The following ZBTB20 variants were observed in gnomAD, a reference collection of about 807,000 sequenced individuals.
ZBTB20 encodes zinc finger and BTB domain containing 20, also known as zinc finger and BTB domain-containing protein 20.
In ZBTB20, 9 loss-of-function variants were observed where a neutral mutation model predicts 56.9. That is an observed-to-expected ratio of 0.16 (90% confidence interval 0.10 to 0.28). The LOEUF (loss-of-function observed/expected upper bound fraction) is 0.28, where lower values mean the gene tolerates loss of function less well. Among genes scored for constraint, ZBTB20 ranks in the 10% least tolerant of loss-of-function variants. ZBTB20 has a pLI of 1.00. For synonymous variants in ZBTB20, 417 were observed against 420.7 expected, an observed-to-expected ratio of 0.99 and a Z score of 0.11; for missense variants, 655 against 1,003.0, an observed-to-expected ratio of 0.65 and a Z score of 4.69.
intron 8 of ZBTB20, among the ~76,000 whole-genome samples, 160 bp from the exon 9 acceptor site, chr3:114,381,100 G>C (rs574551601): frequency 6.6e-6 from 1 of 152,094 alleles, no homozygotes; most frequent in African/African-American, 2.4e-5. Context: ...CAGCCTGTAC[G>C]GATGAGGGGG....
intron 7 of ZBTB20, among the ~76,000 whole-genome samples, chr3:114,438,208 C>G (rs1354549958): frequency 1.3e-5 from 2 of 151,938 alleles, no homozygotes; most frequent in Non-Finnish European, 2.9e-5. Flanking sequence ...AGCCCAGGGC[C>G]AGAGCTGAGA....
intron 6 of ZBTB20, among the ~76,000 whole-genome samples, chr3:114,544,406 C>CTTCTTTCTTTCTTTTCT (rs2049480488): frequency 1.6e-5 from 2 of 121,408 alleles, no homozygotes; most frequent in African/African-American, 6.1e-5. Context: ...AACTAGATTT[C>CTTCTTTCTTTCTTTTCT]TTCTTTCTTT....
chr3:115,127,516 C>T (rs553684912), intron 1 of ZBTB20, among the ~76,000 whole-genome samples: 1 of 152,218 alleles, frequency 6.6e-6, no homozygotes, highest in South Asian at 2.1e-4. Flanking sequence ...ATCACTTGAA[C>T]CTGGAAGGTG....
chr3:114,807,782 G>T (rs1211619098), intron 4 of ZBTB20, among the ~76,000 whole-genome samples: 7 of 151,952 alleles, frequency 4.6e-5, no homozygotes, highest in Non-Finnish European at 1.0e-4. Flanking sequence ...CTATTAATAT[G>T]CTATATTGCA....
intron 10 of ZBTB20, among the ~76,000 whole-genome samples, chr3:114,372,451 C>T (rs185076811): frequency 2.0e-4 from 31 of 152,266 alleles, no homozygotes; most frequent in African/African-American, 6.7e-4. Context: ...CTGTTAGAGT[C>T]GGGAAGGGCC....
At chr3:114,616,821 A>G (rs1023866015) in intron 6 of ZBTB20, among the ~76,000 whole-genome samples, 2 of 152,134 alleles carry the variant, frequency 1.3e-5, no homozygotes, top group South Asian at 2.1e-4. Context: ...ATCCTCCAAA[A>G]TCTACTCTTC....
intron 4 of ZBTB20, among the ~76,000 whole-genome samples, chr3:114,835,240 T>G (rs1410684181): frequency 1.3e-5 from 2 of 152,168 alleles, no homozygotes; most frequent in African/African-American, 4.8e-5. Flanking sequence ...TCCCTCAAAA[T>G]AAGGCTTATA....
chr3:115,142,659 CAAAA>C (rs535455119), intron 1 of ZBTB20, among the ~76,000 whole-genome samples: 1 of 107,826 alleles, frequency 9.3e-6, no homozygotes, highest in Non-Finnish European at 2.0e-5. Context: ...AAGACTCCAT[CAAAA>C]AAAAAAAAAA....
intron 5 of ZBTB20, among the ~76,000 whole-genome samples, chr3:114,750,352 C>T (rs2951800): frequency 0.89 from 135,041 of 152,126 alleles, 60,246 homozygotes; most frequent in East Asian, 0.98. Context: ...AAGAGCAACA[C>T]TGAGCCTCAT....
chr3:114,408,463 G>A (rs1347344621), intron 7 of ZBTB20, among the ~76,000 whole-genome samples: 1 of 151,986 alleles, frequency 6.6e-6, no homozygotes, highest in Non-Finnish European at 1.5e-5. Flanking sequence ...CCATAATCAC[G>A]AGAGAAAACC....
chr3:114,533,947 T>C (rs1577348504), intron 6 of ZBTB20, among the ~76,000 whole-genome samples: 1 of 152,174 alleles, frequency 6.6e-6, no homozygotes, highest in African/African-American at 2.4e-5. Context: ...CTGAGAGATT[T>C]TGTCACCACT....
chr3:114,622,550 GC>G (rs537522160), intron 6 of ZBTB20, among the ~76,000 whole-genome samples: 53 of 152,230 alleles, frequency 3.5e-4, no homozygotes, highest in Non-Finnish European at 6.6e-4. Context: ...TGTCCTAGAG[GC>G]CACTGACAAA....
chr3:114,915,224 T>C (rs1242849713), intron 3 of ZBTB20, among the ~76,000 whole-genome samples: 1 of 151,894 alleles, frequency 6.6e-6, no homozygotes, highest in Non-Finnish European at 1.5e-5. Context: ...CTGAAGGACT[T>C]TTTATTACAG....
intron 10 of ZBTB20, among the ~76,000 whole-genome samples, chr3:114,370,864 A>G (rs754913098): frequency 2.6e-5 from 4 of 152,174 alleles, no homozygotes; most frequent in Non-Finnish European, 4.4e-5. Flanking sequence ...TCTTTACTTG[A>G]TACCTTGGAG....
rs80061283 is a variant in ZBTB20, at chr3:114,501,297, G to C, written c.-294-906C>G. Among the ~76,000 whole-genome samples the C allele has an allele frequency of 6.5e-4, 99 of 152,262 alleles. 1 individual carries two copies. Among genetic ancestry groups the C allele is most frequent in the African/African-American group, 2.3e-3 (95 of 41,550 alleles). On this transcript the variant is annotated intron_variant, in intron 6 of 11. Coordinates refer to ENST00000675478, the MANE Select transcript of ZBTB20 (RefSeq NM_001348800.3). ...AGAAGCTGACCCTAACAGTGTTCTT[G>C]TTCTATGTTTAAAATCTGATATTTC...
intron 6 of ZBTB20, among the ~76,000 whole-genome samples, chr3:114,640,129 T>C (rs2059481181): frequency 6.6e-6 from 1 of 152,032 alleles, no homozygotes; most frequent in Admixed American, 6.6e-5. Flanking sequence ...AATGTTGGTT[T>C]AATACTTATC....
intron 3 of ZBTB20, among the ~76,000 whole-genome samples, chr3:114,914,718 T>C (rs2075676251): frequency 6.6e-6 from 1 of 152,042 alleles, no homozygotes; most frequent in African/African-American, 2.4e-5. Context: ...GTGGCTTTTA[T>C]TATGTTGAGA....
intron 6 of ZBTB20, among the ~76,000 whole-genome samples, chr3:114,576,501 C>CAAAAAAAAAAAAAAA (rs61714991): frequency 1.2e-4 from 3 of 24,112 alleles, no homozygotes; most frequent in Non-Finnish European, 1.5e-4. Context: ...GACTCCGTCT[C>CAAAAAAAAAAAAAAA]AAAAAAAAAA....
At chr3:115,108,544 T>C (rs2083788520) in intron 1 of ZBTB20, among the ~76,000 whole-genome samples, 1 of 152,230 alleles carries the variant, frequency 6.6e-6, no homozygotes, top group South Asian at 2.1e-4. Context: ...GAAGTTTATG[T>C]TTTGTGATGC....
Sources: gnomAD v4.1 joint callset for allele counts (sites outside exome capture counted in the v4.1 genomes callset) on GRCh38, gnomAD v4.1.1 for gene constraint, MANE v1.5 for transcripts, NCBI Gene and HGNC (gene_info 2026-07-23, HGNC 2026-07-21) for gene names.